CNTNAP2: variants seen among roughly 807,000 people sequenced by gnomAD.
CNTNAP2 encodes contactin associated protein 2.
In CNTNAP2, 98 loss-of-function variants were observed where a neutral mutation model predicts 155.2. That is an observed-to-expected ratio of 0.63 (90% CI 0.54 to 0.75). The LOEUF is 0.75. Ranked by LOEUF, CNTNAP2 falls within the 30% of genes least tolerant of loss-of-function variation. CNTNAP2 has a pLI of 0.00. For synonymous variants in CNTNAP2, 651 were observed against 631.2 expected (o/e 1.03, Z -0.47); for missense variants, 1,727 against 1,688.1 (o/e 1.02, Z -0.40).
intron 13 of CNTNAP2, among the ~76,000 whole-genome samples, chr7:147,885,250 CTTAT>C (rs1358608049): frequency 6.6e-6 from 1 of 152,168 alleles, no homozygotes; most frequent in Non-Finnish European, 1.5e-5. Flanking sequence ...AATATTAAGG[CTTAT>C]TTGTCTCCCT....
intron 1 of CNTNAP2, among the ~76,000 whole-genome samples, chr7:146,455,501 A>T (rs1796542593): frequency 6.6e-6 from 1 of 152,200 alleles, no homozygotes; most frequent in African/African-American, 2.4e-5. Flanking sequence ...TCAGGCAAGA[A>T]GAAATGAGAA....
At chr7:147,059,328 A>T (rs1422324004) in intron 4 of CNTNAP2, among the ~76,000 whole-genome samples, 1 of 152,124 alleles carries the variant, frequency 6.6e-6, no homozygotes, top group Non-Finnish European at 1.5e-5. Context: ...CACCTCAAAG[A>T]GCTATTTGGA....
At chr7:148,279,147 A>C (rs1056078210) in intron 21 of CNTNAP2, among the ~76,000 whole-genome samples, 2 of 152,270 alleles carry the variant, frequency 1.3e-5, no homozygotes, top group Non-Finnish European at 2.9e-5. Context: ...TTTTGAGCAC[A>C]TAAGTAACAC....
intron 8 of CNTNAP2, among the ~76,000 whole-genome samples, chr7:147,177,376 C>T (rs1437875792): frequency 1.3e-5 from 2 of 152,092 alleles, no homozygotes; most frequent in Non-Finnish European, 1.5e-5. Flanking sequence ...GGCTTCCCCT[C>T]TTTGATTGGC....
chr7:148,044,853 GT>G (rs1173723765), intron 15 of CNTNAP2: 2 of 152,442 alleles, frequency 1.3e-5, no homozygotes, highest in Non-Finnish European at 2.9e-5. Flanking sequence ...TTGGTTTTTG[GT>G]TTTTGGTTTC....
chr7:146,994,279 G>A (rs1289386547), intron 3 of CNTNAP2, among the ~76,000 whole-genome samples: 1 of 151,938 alleles, frequency 6.6e-6, no homozygotes, highest in Admixed American at 6.6e-5. Flanking sequence ...CAGAGTTTTT[G>A]TACTGCACTC....
At chr7:148,005,443 A>G (rs1801958372) in intron 15 of CNTNAP2, among the ~76,000 whole-genome samples, 1 of 152,112 alleles carries the variant, frequency 6.6e-6, no homozygotes, top group Non-Finnish European at 1.5e-5. Flanking sequence ...TGCAGACATC[A>G]TGGGCTCTAT....
intron 1 of CNTNAP2, among the ~76,000 whole-genome samples, chr7:146,454,060 A>G (rs994825622): frequency 6.6e-6 from 1 of 152,180 alleles, no homozygotes; most frequent in African/African-American, 2.4e-5. Context: ...GAAAAAGCTA[A>G]AGTACATCAT....
At chr7:147,395,464 T>C in intron 9 of CNTNAP2, 145 bp from the exon 10 acceptor site, 2 of 794,590 alleles carry the variant, frequency 2.5e-6, no homozygotes, top group Non-Finnish European at 4.0e-6. Flanking sequence ...AAAACTTCCT[T>C]TTTCTACACT....
At chr7:146,906,718 A>T (rs1489669957) in intron 3 of CNTNAP2, among the ~76,000 whole-genome samples, 2 of 152,146 alleles carry the variant, frequency 1.3e-5, no homozygotes, top group East Asian at 3.9e-4. Flanking sequence ...AGAACAGAAA[A>T]ACTGGAAACT....
At chr7:146,671,702 A>G (rs1004243132) in intron 1 of CNTNAP2, among the ~76,000 whole-genome samples, 8 of 152,180 alleles carry the variant, frequency 5.3e-5, no homozygotes, top group African/African-American at 1.9e-4. Context: ...CCAGAATAAA[A>G]ATAAAGATAA....
chr7:148,117,829 T>A (rs1285787422), intron 15 of CNTNAP2, among the ~76,000 whole-genome samples: 1 of 150,318 alleles, frequency 6.7e-6, no homozygotes. Context: ...TAAAATATTT[T>A]ATTGTACAAT....
chr7:146,127,272 CA>C (rs1257291050), intron 1 of CNTNAP2, among the ~76,000 whole-genome samples: 3 of 152,118 alleles, frequency 2.0e-5, no homozygotes, highest in African/African-American at 7.2e-5. Flanking sequence ...AATCTTGGAG[CA>C]GACTGATGTA....
intron 13 of CNTNAP2, among the ~76,000 whole-genome samples, chr7:147,782,879 G>GT (rs1185878305): frequency 6.6e-6 from 1 of 152,144 alleles, no homozygotes; most frequent in African/African-American, 2.4e-5. Context: ...TCACCTTAGG[G>GT]TATAATCAAG....
intron 11 of CNTNAP2, among the ~76,000 whole-genome samples, chr7:147,497,928 C>T (rs539167437): frequency 1.3e-5 from 2 of 152,274 alleles, no homozygotes; most frequent in South Asian, 2.1e-4. Flanking sequence ...CTTAATTAAG[C>T]TCTGTGTAAG....
At chr7:147,223,329 A>G (rs1803448438) in intron 8 of CNTNAP2, among the ~76,000 whole-genome samples, 2 of 152,196 alleles carry the variant, frequency 1.3e-5, no homozygotes, top group African/African-American at 2.4e-5. Context: ...CACACAACAC[A>G]TTCCATGAAG....
chr7:147,727,762 T>TTTC (rs11428363), intron 13 of CNTNAP2, among the ~76,000 whole-genome samples: 4 of 151,096 alleles, frequency 2.6e-5, no homozygotes, highest in African/African-American at 7.3e-5. Flanking sequence ...TTTTTTTTTT[T>TTTC]CCTGCGCTCA....
chr7:146,462,204 A>G (rs1352471982), intron 1 of CNTNAP2, among the ~76,000 whole-genome samples: 4 of 152,220 alleles, frequency 2.6e-5, no homozygotes, highest in Non-Finnish European at 4.4e-5. Flanking sequence ...CTTGGTGTGT[A>G]GCACACTGTT....
intron 1 of CNTNAP2, among the ~76,000 whole-genome samples, chr7:146,269,958 CTT>C (rs1800054117): frequency 6.6e-6 from 1 of 152,136 alleles, no homozygotes; most frequent in Non-Finnish European, 1.5e-5. Context: ...ATGCTGCTGT[CTT>C]TGTTAAACAT....
Sources: gnomAD v4.1 joint callset for allele counts (sites outside exome capture counted in the v4.1 genomes callset) on GRCh38, gnomAD v4.1.1 for gene constraint, MANE v1.5 for transcripts, NCBI Gene and HGNC (gene_info 2026-07-23, HGNC 2026-07-21) for gene names.